DYRK4: variants seen among roughly 807,000 people sequenced by gnomAD.
The protein encoded by DYRK4 is dual specificity tyrosine-phosphorylation-regulated kinase 4.
DYRK4 carries 64 observed loss-of-function variants against 68.3 expected under a neutral mutation model. The ratio of observed to expected loss-of-function variants is 0.94; its 90% CI spans 0.77 to 1.15. The LOEUF is 1.15. DYRK4 is among the 50% of genes most tolerant of loss of function. DYRK4 has a pLI of 0.00. For synonymous variants in DYRK4, 274 were observed against 289.9 expected (o/e 0.95, Z 0.56); for missense variants, 740 against 764.7 (o/e 0.97, Z 0.38).
At chr12:4,570,413 C>T (rs1565531899) in intron 2 of DYRK4, among the ~76,000 whole-genome samples, 1 of 152,120 alleles carries the variant, frequency 6.6e-6, no homozygotes, top group Non-Finnish European at 1.5e-5. Flanking sequence ...GTCTTTTCAA[C>T]GTCGATTGGC....
intron 2 of DYRK4, among the ~76,000 whole-genome samples, chr12:4,584,073 G>A (rs1002624025): frequency 9.9e-5 from 15 of 152,164 alleles, no homozygotes; most frequent in African/African-American, 3.6e-4. Flanking sequence ...AGTTAGAAAG[G>A]ATACATAAAC....
At chr12:4,584,713 G>A (rs371370908) in intron 2 of DYRK4, among the ~76,000 whole-genome samples, 29 of 151,884 alleles carry the variant, frequency 1.9e-4, no homozygotes, top group African/African-American at 6.3e-4. Flanking sequence ...CCACCACCAC[G>A]CCCGGCTAAT....
intron 6 of DYRK4, among the ~76,000 whole-genome samples, 171 bp from the exon 7 acceptor site, chr12:4,595,978 C>G (rs1366624782): frequency 6.6e-6 from 1 of 152,164 alleles, no homozygotes; most frequent in Non-Finnish European, 1.5e-5. Flanking sequence ...GCAACAAGCT[C>G]CTCATCATAG....
intron 10 of DYRK4, 96 bp from the exon 11 acceptor site, chr12:4,604,818 C>A (rs957633986): frequency 4.7e-5 from 66 of 1,405,208 alleles, no homozygotes; most frequent in Non-Finnish European, 5.8e-5. Context: ...TCACTGCCAG[C>A]GGGGGCGCAG....
chr12:4,572,084 G>T (rs1173487053), intron 2 of DYRK4, among the ~76,000 whole-genome samples: 10 of 152,166 alleles, frequency 6.6e-5, no homozygotes, highest in Non-Finnish European at 1.3e-4. Context: ...CTCTCATAAA[G>T]CTTAAAATTG....
chr12:4,563,995 GA>G (rs1944653384), intron 1 of DYRK4, among the ~76,000 whole-genome samples: 1 of 152,156 alleles, frequency 6.6e-6, no homozygotes, highest in African/African-American at 2.4e-5. Flanking sequence ...TGATTGCCAG[GA>G]ATACCATAGA....
At chr12:4,562,407 C>A in intron 1 of DYRK4, 124 bp downstream of exon 1, 1 of 1,244,286 alleles carries the variant, frequency 8.0e-7, no homozygotes, top group Non-Finnish European at 1.1e-6. Context: ...AAGAGCTGAC[C>A]GGGGAATGTG....
At chr12:4,590,739 C>T in intron 4 of DYRK4, 3 of 449,020 alleles carry the variant, frequency 6.7e-6, no homozygotes, top group Non-Finnish European at 7.2e-6. Context: ...CCCATGTCCT[C>T]CTACTTCTTT....
chr12:4,576,278 A>G (rs2359249), intron 2 of DYRK4, among the ~76,000 whole-genome samples: 63,876 of 152,010 alleles, frequency 0.42, 13,956 homozygotes, highest in Middle Eastern at 0.5. Context: ...CATGCAGTAT[A>G]TTGCCTTCTC....
rs373948514 is a variant in DYRK4, at chr12:4,583,357, C to T, written c.133-5580C>T. Among the ~76,000 whole-genome samples the T allele has an allele frequency of 7.9e-5, 12 of 152,094 alleles. No individual in the cohort carries two copies. In the East Asian group the frequency reaches 1.4e-3, roughly 17 times the overall value. ...TTCTGCTTGGAATGTTCTCCCATCA[C>T]CCACCCCAACGCCATGTGACCCAGT... On this transcript the variant is annotated intron_variant, in intron 2 of 14. Coordinates refer to ENST00000543431, the MANE Select transcript of DYRK4 (RefSeq NM_001394779.1).
At chr12:4,595,334 GA>G (rs1395156457) in intron 6 of DYRK4, among the ~76,000 whole-genome samples, 2 of 152,188 alleles carry the variant, frequency 1.3e-5, no homozygotes, top group African/African-American at 2.4e-5. Flanking sequence ...TGTAACACTA[GA>G]AATTAGAGAC....
rs1945259487 is a variant in DYRK4, at chr12:4,613,870, ACT to A, written c.*120_*121del. Reference sequence around the variant, plus strand: ...AATACATAAAACTTTATGTTAAAAAACTCTATTAACATGGCCAATTGGCATGA... The same window carrying A: ...AATACATAAAACTTTATGTTAAAAAACTATTAACATGGCCAATTGGCATGA... On this transcript the variant is annotated 3_prime_UTR_variant, in exon 15 of 15. Transcript: ENST00000543431. The surrounding 1 kb of genome is among the most constrained non-coding windows in gnomAD (Gnocchi z 4.0). 5.4e-6 allele frequency: 7 copies of A among 1,293,962 alleles called. No homozygotes were observed. Among genetic ancestry groups the A allele is most frequent in the African/African-American group, 3.0e-5 (2 of 66,486 alleles). 80.2% of individuals were successfully genotyped at this position (1,293,962 alleles called of 1,614,324 possible).
intron 1 of DYRK4, among the ~76,000 whole-genome samples, chr12:4,566,738 C>G (rs1404103005): frequency 6.6e-6 from 1 of 152,232 alleles, no homozygotes; most frequent in African/African-American, 2.4e-5. Flanking sequence ...AAACTATGAT[C>G]TTAAGCAGAG....
intron 2 of DYRK4, among the ~76,000 whole-genome samples, chr12:4,587,246 C>T (rs993648012): frequency 3.3e-5 from 5 of 152,122 alleles, no homozygotes; most frequent in African/African-American, 9.7e-5. Context: ...AGCCCTGGAG[C>T]GTGCCTGGGT....
At chr12:4,569,555 A>G (rs1240826930) in intron 2 of DYRK4, among the ~76,000 whole-genome samples, 1 of 152,212 alleles carries the variant, frequency 6.6e-6, no homozygotes, top group African/African-American at 2.4e-5. Context: ...AGCAAGGCCA[A>G]TTAGCCCAGG....
chr12:4,595,747 A>G (rs1174748696), intron 6 of DYRK4, among the ~76,000 whole-genome samples: 2 of 152,232 alleles, frequency 1.3e-5, no homozygotes, highest in Non-Finnish European at 2.9e-5. Context: ...TTCAAGACTC[A>G]TAAAATGTCC....
At position 4,587,038 on chromosome 12, in the gene DYRK4, C is replaced by A. The variant is rs12308565; in HGVS notation, c.133-1899C>A. Among the ~76,000 whole-genome samples, 503 of 151,778 alleles carry A rather than the reference C, an allele frequency of 3.3e-3. 1 individual carries two copies. Among genetic ancestry groups the A allele is most frequent in the African/African-American group, 0.012 (480 of 41,396 alleles). On this transcript the variant is annotated intron_variant, in intron 2 of 14. Coordinates refer to ENST00000543431, the MANE Select transcript of DYRK4 (RefSeq NM_001394779.1). ...AAGAGTGTGATTTTAGAGTCCATAC[C>A]CATGAGCATTATTTTATCACATTGC...
At chr12:4,595,857 C>G (rs115856696) in intron 6 of DYRK4, among the ~76,000 whole-genome samples, 1 of 152,060 alleles carries the variant, frequency 6.6e-6, no homozygotes, top group Admixed American at 6.5e-5. Flanking sequence ...AACTACAATA[C>G]TGGGACTAGA....
chr12:4,608,920 C>G (rs552959795), intron 12 of DYRK4, among the ~76,000 whole-genome samples: 4 of 152,276 alleles, frequency 2.6e-5, no homozygotes, highest in African/African-American at 9.6e-5. Flanking sequence ...ACATGGAGCA[C>G]GCGAACTGGT....
Sources: allele counts gnomAD v4.1 joint callset (sites outside exome capture counted in the v4.1 genomes callset), GRCh38; gene constraint gnomAD v4.1.1; non-coding constraint Gnocchi (gnomAD v3.1); transcripts MANE v1.5; gene names NCBI Gene and HGNC (gene_info 2026-07-23, HGNC 2026-07-21).